Variants in VPS13A observed in about 807,000 individuals in gnomAD.
VPS13A encodes the protein intermembrane lipid transfer protein VPS13A.
Under a neutral mutation model 390.9 loss-of-function variants are expected in VPS13A, and 264 were observed. The observed-to-expected ratio is 0.68, with a 90% CI of 0.61 to 0.75. VPS13A has a LOEUF of 0.75. Among genes scored for constraint, VPS13A ranks in the 30% least tolerant of loss-of-function variants. The pLI, the probability that VPS13A is intolerant of heterozygous loss-of-function variation, is 0.00. For synonymous variants in VPS13A, 1,231 were observed against 1,227.1 expected, an observed-to-expected ratio of 1.00 and a Z score of -0.07; for missense variants, 3,409 against 3,733.9, an observed-to-expected ratio of 0.91 and a Z score of 2.27.
At position 77,357,786 on chromosome 9, in the gene VPS13A, A is replaced by G. The variant is rs1174515554; in HGVS notation, c.7901A>G (p.Tyr2634Cys). Residue 2634 changes from tyrosine (Y) to cysteine (C), a missense_variant, in exon 56 of 72, where the codon TAT becomes TGT. Around this residue, in one of 5 missense-constraint regions of VPS13A, gnomAD observed 221 missense variants for 300.7 expected, o/e 0.73. Transcript: ENST00000360280. Reference protein sequence around the residue: ...RNYLPALKVEYNTSAHQSSFR... With the variant: ...RNYLPALKVECNTSAHQSSFR... ...TATCTTCCAGCATTAAAAGTGGAAT[A>G]TAACACATCTGCACATCAATCATCA... 1.2e-6 allele frequency: 2 copies of G among 1,613,978 alleles called. No individual in the cohort carries two copies. Among genetic ancestry groups the G allele is most frequent in the East Asian group, 4.5e-5 (2 of 44,860 alleles).
chr9:77,337,167 G>C lies in VPS13A; in HGVS notation c.6096-88G>C. ...ATGTACTACAATATTATGAAAGGAG[G>C]TAAGTTTGTTATTCTAAAGCTGTAA... On this transcript the variant is annotated intron_variant, in intron 46 of 71. Transcript: ENST00000360280. 2.4e-6 allele frequency: 3 copies of C among 1,236,124 alleles called. No homozygotes were observed. In the South Asian group the frequency reaches 4.1e-5, roughly 17 times the overall value. 76.6% of individuals were successfully genotyped at this position (1,236,124 alleles called of 1,614,324 possible). A position where few individuals can be genotyped will look rare whatever the true frequency, so the allele number is the denominator to read the frequency against.
In VPS13A at chr9:77,409,938, C is replaced by T. The variant is rs12005899; in HGVS notation, c.9474+2331C>T. ...GGCCAACATTCAAATTCAGGAAATA[C>T]AGAGAATGCCACAAAGATACTCCTC... On this transcript the variant is annotated intron_variant, in intron 71 of 71. Transcript: ENST00000360280. 3.4e-4 allele frequency among the ~76,000 whole-genome samples: 51 copies of T among 151,406 alleles called. 4 individuals are homozygous for T. The highest frequency in any genetic ancestry group is 1.2e-3 in the African/African-American group (49 of 41,094).
intron 20 of VPS13A, among the ~76,000 whole-genome samples, chr9:77,249,604 G>A (rs1424062250): frequency 1.3e-5 from 2 of 152,134 alleles, no homozygotes; most frequent in East Asian, 1.9e-4. Flanking sequence ...AAAGTAATGC[G>A]CACAGTATGC....
chr9:77,259,966 G>A, intron 22 of VPS13A, 120 bp from the exon 23 acceptor site: 1 of 732,630 alleles, frequency 1.4e-6, no homozygotes. Context: ...AATTGGAATA[G>A]AGATTTTTAG....
intron 1 of VPS13A, 117 bp downstream of exon 1, chr9:77,177,921 C>G: frequency 1.2e-6 from 1 of 840,006 alleles, no homozygotes; most frequent in Non-Finnish European, 1.9e-6. Flanking sequence ...GTGCAGCCAC[C>G]TGCCGCCGCC....
intron 24 of VPS13A, 135 bp downstream of exon 24, chr9:77,273,499 G>A (rs970765338): frequency 1.6e-5 from 11 of 687,456 alleles, no homozygotes; most frequent in Middle Eastern, 4.1e-4. Flanking sequence ...CTTGACTGAG[G>A]CTCTATGAAT....
intron 27 of VPS13A, among the ~76,000 whole-genome samples, chr9:77,281,005 T>C (rs565722828): frequency 4.1e-4 from 63 of 152,214 alleles, no homozygotes; most frequent in Non-Finnish European, 7.9e-4. Flanking sequence ...GTGGAGGACA[T>C]TATGCTAAGC....
chr9:77,187,282 T>G (rs1302749297), intron 1 of VPS13A, among the ~76,000 whole-genome samples: 3 of 152,194 alleles, frequency 2.0e-5, no homozygotes, highest in Non-Finnish European at 4.4e-5. Context: ...GTAATTCCAT[T>G]ATCAATTTTT....
At chr9:77,408,578 G>A (rs1473620071) in intron 71 of VPS13A, among the ~76,000 whole-genome samples, 5 of 152,198 alleles carry the variant, frequency 3.3e-5, no homozygotes, top group South Asian at 2.1e-4. Flanking sequence ...CTGGAAAATC[G>A]GGTCACTCCC....
chr9:77,212,035 A>T (rs1296363007), intron 7 of VPS13A, among the ~76,000 whole-genome samples: 1 of 152,148 alleles, frequency 6.6e-6, no homozygotes, highest in African/African-American at 2.4e-5. Flanking sequence ...GTTGGTGCCA[A>T]AAAGGTTGGG....
chr9:77,209,967 T>G (rs532423338), intron 6 of VPS13A, among the ~76,000 whole-genome samples: 35 of 152,278 alleles, frequency 2.3e-4, no homozygotes, highest in African/African-American at 7.2e-4. Flanking sequence ...TTTAATAATT[T>G]TTTTTGTAAA....
intron 1 of VPS13A, among the ~76,000 whole-genome samples, chr9:77,189,336 G>C (rs1275963576): frequency 6.6e-6 from 1 of 151,944 alleles, no homozygotes; most frequent in Non-Finnish European, 1.5e-5. Flanking sequence ...GTGGCTGGCC[G>C]TTATCTCCAC....
In VPS13A at chr9:77,275,655, A is replaced by G. The variant is rs1826617241; in HGVS notation, c.2667+3A>G. ...AAATAAGATTTGAAGTACCAAAGGT[A>G]GGTACTACGGTAAAATTAACATGGC... On this transcript the variant is annotated splice_donor_region_variant and intron_variant, in intron 25 of 71. Transcript: ENST00000360280. 6.2e-7 allele frequency: 1 copy of G among 1,612,436 alleles called. No individual in the cohort carries two copies. Among genetic ancestry groups the G allele is most frequent in the Middle Eastern group, 1.7e-4 (1 of 5,994 alleles).
chr9:77,259,779 A>G (rs1439888955), intron 22 of VPS13A, among the ~76,000 whole-genome samples: 2 of 152,220 alleles, frequency 1.3e-5, no homozygotes, highest in Non-Finnish European at 2.9e-5. Flanking sequence ...ACTGTTTACA[A>G]TAATGCATGT....
rs753886202 is a variant in VPS13A at position 77,366,889 on chromosome 9, A to G, written c.8471+17A>G. The G allele has an allele frequency of 1.2e-6, 2 of 1,609,574 alleles. No individual in the cohort carries two copies. The highest frequency in any genetic ancestry group is 1.7e-6 in the Non-Finnish European group (2 of 1,177,652). ...AGTTTTTAAGTATGTTTAGTATTCA[A>G]ATCTGTAAATTGATGGAAATATTTC... On this transcript the variant is annotated intron_variant, in intron 61 of 71. Coordinates refer to ENST00000360280, the MANE Select transcript of VPS13A (RefSeq NM_033305.3).
chr9:77,411,228 C>A (rs1274921822), intron 71 of VPS13A, among the ~76,000 whole-genome samples: 1 of 152,112 alleles, frequency 6.6e-6, no homozygotes, highest in Admixed American at 6.5e-5. Flanking sequence ...TAAAGATGTT[C>A]TTTGAAACCA....
intron 1 of VPS13A, among the ~76,000 whole-genome samples, chr9:77,183,000 T>C (rs57928250): frequency 0.019 from 2,836 of 152,274 alleles, 57 homozygotes; most frequent in African/African-American, 0.052. Flanking sequence ...CAGAATACAC[T>C]AGGGAGCCAA....
intron 19 of VPS13A, among the ~76,000 whole-genome samples, chr9:77,239,526 T>G (rs1207655124): frequency 6.6e-6 from 1 of 151,988 alleles, no homozygotes; most frequent in Non-Finnish European, 1.5e-5. Context: ...TATTTTATTT[T>G]TGATCTGATG....
intron 6 of VPS13A, among the ~76,000 whole-genome samples, chr9:77,210,270 T>C (rs1306877903): frequency 8.2e-6 from 1 of 122,620 alleles, no homozygotes; most frequent in Admixed American, 9.0e-5. Flanking sequence ...CCTCACACTG[T>C]CGCCAGGCTG....
Sources: allele counts gnomAD v4.1 joint callset (sites outside exome capture counted in the v4.1 genomes callset), GRCh38; gene constraint gnomAD v4.1.1; regional missense constraint gnomAD v4.1.1; transcripts MANE v1.5; gene names NCBI Gene and HGNC (gene_info 2026-07-23, HGNC 2026-07-21).